RBFOX1: variants seen among roughly 807,000 people sequenced by gnomAD.
RBFOX1 encodes RNA binding protein fox-1 homolog 1.
A neutral mutation model predicts 57.7 loss-of-function variants in RBFOX1; 8 were observed. The ratio of observed to expected loss-of-function variants is 0.14; its 90% CI spans 0.08 to 0.25. The LOEUF (loss-of-function observed/expected upper bound fraction) is 0.25, where lower values mean the gene tolerates loss of function less well. Among genes scored for constraint, RBFOX1 ranks in the 10% least tolerant of loss-of-function variants. RBFOX1 has a pLI of 1.00. For missense variants in RBFOX1, 611 were observed against 548.5 expected (o/e 1.11, Z -1.14); for synonymous variants, 326 against 222.4 (o/e 1.47, Z -4.15).
intron 3 of RBFOX1, among the ~76,000 whole-genome samples, chr16:7,024,942 G>A (rs1479923424): frequency 1.3e-5 from 2 of 152,124 alleles, no homozygotes; most frequent in African/African-American, 4.8e-5. Context: ...GGCCCAGAGA[G>A]GAACAGGACA....
intron 3 of RBFOX1, among the ~76,000 whole-genome samples, chr16:6,741,499 A>G (rs897024080): frequency 2.6e-5 from 4 of 151,906 alleles, no homozygotes; most frequent in Non-Finnish European, 4.4e-5. Context: ...CCCTGTCTGT[A>G]TTAAAAGTAC....
chr16:5,965,174 C>T (rs955610553), intron 4 of RBFOX1, among the ~76,000 whole-genome samples: 3 of 152,114 alleles, frequency 2.0e-5, no homozygotes, highest in African/African-American at 7.2e-5. Flanking sequence ...CTGTTTATAC[C>T]ACACAGTATA....
At chr16:7,510,523 ACGCGCG>A (rs1567589571) in intron 4 of RBFOX1, among the ~76,000 whole-genome samples, 1 of 135,558 alleles carries the variant, frequency 7.4e-6, no homozygotes, top group Non-Finnish European at 1.6e-5. Flanking sequence ...GCGCGCGCGC[ACGCGCG>A]CACGCGCGCT....
chr16:7,123,748 T>A (rs1262568366), intron 4 of RBFOX1, among the ~76,000 whole-genome samples: 2 of 152,196 alleles, frequency 1.3e-5, no homozygotes, highest in East Asian at 3.8e-4. Flanking sequence ...TTATATTGTA[T>A]GATGATACTT....
At chr16:5,633,856 A>AC (rs1233799036) in intron 3 of RBFOX1, among the ~76,000 whole-genome samples, 1 of 151,880 alleles carries the variant, frequency 6.6e-6, no homozygotes, top group South Asian at 2.1e-4. Context: ...CCGTCTTAAA[A>AC]AAAAAAAAAA....
intron 3 of RBFOX1, among the ~76,000 whole-genome samples, chr16:6,857,237 A>G (rs2058074904): frequency 1.3e-5 from 2 of 152,168 alleles, no homozygotes; most frequent in African/African-American, 4.8e-5. Context: ...ATATTACACA[A>G]TATTGATAAC....
intron 5 of RBFOX1, among the ~76,000 whole-genome samples, chr16:7,541,920 A>G (rs534750381): frequency 6.6e-6 from 1 of 152,362 alleles, no homozygotes; most frequent in South Asian, 2.1e-4. Context: ...TTGGGTGAGC[A>G]GATGCCAAGT....
intron 3 of RBFOX1, among the ~76,000 whole-genome samples, chr16:6,875,106 A>T (rs114381013): frequency 6.6e-6 from 1 of 152,170 alleles, no homozygotes; most frequent in Non-Finnish European, 1.5e-5. Flanking sequence ...AATCTTATCA[A>T]TTGACTGTGT....
chr16:5,882,409 CT>C (rs2151919721), intron 4 of RBFOX1, among the ~76,000 whole-genome samples: 1 of 152,318 alleles, frequency 6.6e-6, no homozygotes, highest in African/African-American at 2.4e-5. Flanking sequence ...TCATACATTA[CT>C]TTTGCCCCCC....
intron 4 of RBFOX1, among the ~76,000 whole-genome samples, chr16:7,423,838 G>A (rs1436690278): frequency 1.3e-5 from 2 of 152,102 alleles, no homozygotes; most frequent in African/African-American, 4.8e-5. Flanking sequence ...TGATTAAATA[G>A]CAGAAGGGTG....
At chr16:6,483,467 G>C in intron 2 of RBFOX1, 3 of 1,535,630 alleles carry the variant, frequency 2.0e-6, no homozygotes, top group Admixed American at 2.0e-5. Flanking sequence ...GTGTTTTCCC[G>C]GTGAGGAAAC....
At chr16:7,371,186 C>G (rs972481944) in intron 4 of RBFOX1, among the ~76,000 whole-genome samples, 3 of 152,156 alleles carry the variant, frequency 2.0e-5, no homozygotes, top group African/African-American at 4.8e-5. Context: ...ACTTGAAGCT[C>G]ATAATTTACT....
At chr16:7,558,649 C>G (rs1307735380) in intron 5 of RBFOX1, among the ~76,000 whole-genome samples, 3 of 152,098 alleles carry the variant, frequency 2.0e-5, no homozygotes, top group African/African-American at 7.2e-5. Context: ...AAGTTAGCAA[C>G]TGGCTTTCAG....
intron 1 of RBFOX1, among the ~76,000 whole-genome samples, chr16:5,268,130 C>T (rs1194910596): frequency 6.6e-6 from 1 of 151,832 alleles, no homozygotes; most frequent in Non-Finnish European, 1.5e-5. Flanking sequence ...TTGACTCTAA[C>T]ACAAATTTGG....
At chr16:5,952,106 CAT>C (rs1301034724) in intron 4 of RBFOX1, among the ~76,000 whole-genome samples, 1 of 149,462 alleles carries the variant, frequency 6.7e-6, no homozygotes, top group African/African-American at 2.5e-5. Context: ...TATATACACA[CAT>C]ATATGTATAC....
chr16:7,602,650 A>G (rs1037358654), intron 9 of RBFOX1, among the ~76,000 whole-genome samples: 2 of 152,192 alleles, frequency 1.3e-5, no homozygotes, highest in African/African-American at 2.4e-5. Flanking sequence ...TTTGCATGTG[A>G]TTTGCATATA....
intron 4 of RBFOX1, among the ~76,000 whole-genome samples, chr16:7,417,625 C>G (rs546916441): frequency 1.8e-4 from 28 of 151,998 alleles, no homozygotes; most frequent in Non-Finnish European, 3.5e-4. Flanking sequence ...CAACATACAT[C>G]ATAGCTCCAT....
intron 4 of RBFOX1, among the ~76,000 whole-genome samples, chr16:5,937,982 G>A (rs571755186): frequency 6.6e-6 from 1 of 152,132 alleles, no homozygotes; most frequent in African/African-American, 2.4e-5. Flanking sequence ...TATTTGAATA[G>A]TTATTAATTT....
intron 2 of RBFOX1, among the ~76,000 whole-genome samples, chr16:6,493,811 C>G (rs2095691925): frequency 6.6e-6 from 1 of 152,228 alleles, no homozygotes; most frequent in African/African-American, 2.4e-5. Context: ...GCAGATTTCA[C>G]TTCCTTTAAA....
Sources: gnomAD v4.1 joint callset for allele counts (sites outside exome capture counted in the v4.1 genomes callset) on GRCh38, gnomAD v4.1.1 for gene constraint, MANE v1.5 for transcripts, NCBI Gene and HGNC (gene_info 2026-07-23, HGNC 2026-07-21) for gene names.